Variants in DMD observed in about 807,000 individuals in gnomAD.
DMD encodes the protein dystrophin, also known as mutant dystrophin.
In DMD, 63 loss-of-function variants were observed where a neutral mutation model predicts 330.1. The observed-to-expected ratio is 0.19, with a 90% confidence interval of 0.16 to 0.24. The LOEUF is 0.24. DMD is among the 10% of genes least tolerant of loss of function. DMD has a pLI of 1.00. For missense variants in DMD, 3,344 were observed against 2,684.1 expected, an observed-to-expected ratio of 1.25 and a Z score of -5.43; for synonymous variants, 1,223 against 959.8, an observed-to-expected ratio of 1.27 and a Z score of -5.07.
At chrX:32,967,514 A>T (rs1027700207) in intron 2 of DMD, among the ~76,000 whole-genome samples, 5 of 111,553 alleles carry the variant, frequency 4.5e-5, no homozygotes, top group Non-Finnish European at 9.4e-5. Flanking sequence ...TCCAATTCTC[A>T]TCTATTATTA....
chrX:32,233,996 G>A (rs2097178878), intron 43 of DMD, among the ~76,000 whole-genome samples: 1 of 111,085 alleles, frequency 9.0e-6, no homozygotes, highest in Admixed American at 9.7e-5. Flanking sequence ...ACTTCACCAT[G>A]TTTTCCATTA....
chrX:31,680,430 G>A (rs1297116686), intron 52 of DMD, among the ~76,000 whole-genome samples: 1 of 109,160 alleles, frequency 9.2e-6, no homozygotes, highest in African/African-American at 3.3e-5. Flanking sequence ...GAGTGCAATG[G>A]TGCAATCTCC....
chrX:32,898,073 TA>T (rs1158856724), intron 2 of DMD, among the ~76,000 whole-genome samples: 1 of 112,189 alleles, frequency 8.9e-6, no homozygotes, highest in Admixed American at 9.5e-5. Flanking sequence ...AGCCTCCACG[TA>T]AGTCTTTAAT....
chrX:32,698,081 T>A, intron 8 of DMD, 83 bp from the exon 9 acceptor site: 1 of 987,546 alleles, frequency 1.0e-6, no homozygotes, highest in Non-Finnish European at 1.4e-6. Context: ...TCCAACATGG[T>A]AGAAAACAGA....
chrX:32,607,384 T>A (rs1569297849), intron 12 of DMD, among the ~76,000 whole-genome samples: 3 of 110,253 alleles, frequency 2.7e-5, no homozygotes, highest in Non-Finnish European at 5.7e-5. Context: ...ATCCTCAGTG[T>A]GCCAAAACTG....
intron 1 of DMD, among the ~76,000 whole-genome samples, chrX:33,070,444 T>C (rs2094728006): frequency 9.1e-6 from 1 of 110,413 alleles, no homozygotes; most frequent in South Asian, 3.8e-4. Context: ...CCTAGGTTGA[T>C]GCTTAATAGA....
chrX:33,009,339 CGTGTATATACACATGTGTGTAT>C (rs1245808430), intron 2 of DMD, among the ~76,000 whole-genome samples: 2 of 22,650 alleles, frequency 8.8e-5, no homozygotes, highest in African/African-American at 3.8e-4. Context: ...TGTATATACA[CGTGTATATACACATGTGTGTAT>C]ATGTGTATAT....
intron 52 of DMD, among the ~76,000 whole-genome samples, chrX:31,713,005 G>C (rs1460698130): frequency 9.0e-6 from 1 of 111,197 alleles, no homozygotes; most frequent in Non-Finnish European, 1.9e-5. Flanking sequence ...TAGTGGGCAT[G>C]GTGGGCTTCC....
intron 48 of DMD, among the ~76,000 whole-genome samples, chrX:31,854,100 C>T (rs1226805870): frequency 1.8e-5 from 2 of 112,181 alleles, no homozygotes; most frequent in Non-Finnish European, 3.8e-5. Context: ...TTCCTATATC[C>T]TTCTAAGTGC....
chrX:32,682,328 T>C (rs1470806236), intron 9 of DMD, among the ~76,000 whole-genome samples: 2 of 111,558 alleles, frequency 1.8e-5, no homozygotes, highest in African/African-American at 6.5e-5. Context: ...CTTAGACAGC[T>C]ATATGGTTCC....
intron 2 of DMD, among the ~76,000 whole-genome samples, chrX:32,900,071 C>T (rs2086104578): frequency 8.9e-6 from 1 of 112,036 alleles, no homozygotes; most frequent in Non-Finnish European, 1.9e-5. Flanking sequence ...AAAAGCAAAT[C>T]GGTATTCCTA....
chrX:31,822,757 T>C (rs2092802074), intron 49 of DMD, among the ~76,000 whole-genome samples: 1 of 106,374 alleles, frequency 9.4e-6, no homozygotes, highest in Non-Finnish European at 1.9e-5. Context: ...GAAGAGAAAC[T>C]TGCCATCAAA....
At chrX:33,016,156 T>A (rs2093798141) in intron 2 of DMD, among the ~76,000 whole-genome samples, 1 of 110,414 alleles carries the variant, frequency 9.1e-6, no homozygotes, top group Non-Finnish European at 1.9e-5. Flanking sequence ...CACAAACAAG[T>A]TTACTGGGCA....
chrX:31,774,568 T>G (rs932413584), intron 50 of DMD, among the ~76,000 whole-genome samples: 3 of 110,577 alleles, frequency 2.7e-5, no homozygotes, highest in African/African-American at 1.0e-4. Flanking sequence ...GAAATAAATT[T>G]TACTTATTTT....
chrX:31,637,705 A>T (rs1267481721), intron 54 of DMD, among the ~76,000 whole-genome samples: 2 of 111,428 alleles, frequency 1.8e-5, no homozygotes, highest in African/African-American at 3.3e-5. Flanking sequence ...TTCTTAAAAA[A>T]CTTAAAATTT....
At chrX:31,698,568 C>T (rs891929588) in intron 52 of DMD, among the ~76,000 whole-genome samples, 3 of 112,123 alleles carry the variant, frequency 2.7e-5, no homozygotes, top group Non-Finnish European at 5.6e-5. Flanking sequence ...TATGTCCCTT[C>T]TACTTCCACA....
chrX:32,465,921 C>T (rs1263870800), intron 23 of DMD, among the ~76,000 whole-genome samples: 1 of 111,139 alleles, frequency 9.0e-6, no homozygotes, highest in South Asian at 3.8e-4. Context: ...AATGCACTGG[C>T]TCGTTTTGAT....
At chrX:32,470,518 T>C (rs990009858) in intron 22 of DMD, among the ~76,000 whole-genome samples, 3 of 111,482 alleles carry the variant, frequency 2.7e-5, no homozygotes, top group African/African-American at 9.8e-5. Context: ...TTCTTTCCTA[T>C]CTTTTTCAGT....
intron 52 of DMD, among the ~76,000 whole-genome samples, chrX:31,682,631 T>C (rs892970789): frequency 1.8e-5 from 2 of 112,516 alleles, no homozygotes; most frequent in African/African-American, 6.4e-5. Flanking sequence ...CTTTTTCTCA[T>C]ATCCTACTGT....
Sources: allele counts gnomAD v4.1 joint callset (sites outside exome capture counted in the v4.1 genomes callset), GRCh38; gene constraint gnomAD v4.1.1; transcripts MANE v1.5; gene names NCBI Gene and HGNC (gene_info 2026-07-23, HGNC 2026-07-21).